TSHZ2: variants seen among roughly 807,000 people sequenced by gnomAD.
TSHZ2 encodes the protein teashirt homolog 2.
A neutral mutation model predicts 74.4 loss-of-function variants in TSHZ2; 21 were observed. The ratio of observed to expected loss-of-function variants is 0.28; its 90% CI spans 0.20 to 0.41. TSHZ2 has a LOEUF of 0.41. Ranked by LOEUF, TSHZ2 falls within the 10% of genes least tolerant of loss-of-function variation. The pLI, the probability that TSHZ2 is intolerant of heterozygous loss-of-function variation, is 1.00. For missense variants in TSHZ2, 1,244 were observed against 1,293.5 expected, an observed-to-expected ratio of 0.96 and a Z score of 0.59; for synonymous variants, 540 against 515.3, an observed-to-expected ratio of 1.05 and a Z score of -0.65.
In TSHZ2 at chr20:53,183,422, G is replaced by A. The variant is rs538530044; in HGVS notation, c.41-70077G>A. On this transcript the variant is annotated intron_variant, in intron 1 of 2. Coordinates refer to ENST00000371497, the MANE Select transcript of TSHZ2 (RefSeq NM_173485.6). ...AGCCTGGCCCATTCCCTTTGCCTGCGGTATTTACAGTAACCCACATGCAGA... is the reference window on the plus strand; with the variant it reads ...AGCCTGGCCCATTCCCTTTGCCTGCAGTATTTACAGTAACCCACATGCAGA... Among the ~76,000 whole-genome samples the A allele has an allele frequency of 5.9e-5, 9 of 152,256 alleles. No homozygotes were observed. In the South Asian group the frequency reaches 8.3e-4, roughly 14 times the overall value.
chr20:52,973,398 C>A, intron 1 of TSHZ2, 65 bp downstream of exon 1: 1 of 1,541,336 alleles, frequency 6.5e-7, no homozygotes, highest in Non-Finnish European at 8.8e-7. Flanking sequence ...CCCTCCTTGC[C>A]CCTGGGTGCC....
chr20:53,445,465 G>A (rs918546882), intron 2 of TSHZ2, among the ~76,000 whole-genome samples: 21 of 152,168 alleles, frequency 1.4e-4, no homozygotes, highest in Admixed American at 6.5e-4. Context: ...TCATGAAACC[G>A]GAATGCCATA....
chr20:53,307,934 G>A (rs1464695974), intron 2 of TSHZ2, among the ~76,000 whole-genome samples: 3 of 152,134 alleles, frequency 2.0e-5, no homozygotes, highest in Admixed American at 2.0e-4. Context: ...AGCCAGAGAG[G>A]ATGCATTTTT....
chr20:53,377,025 G>A (rs956170125), intron 2 of TSHZ2, among the ~76,000 whole-genome samples: 6 of 152,218 alleles, frequency 3.9e-5, no homozygotes, highest in African/African-American at 1.4e-4. Flanking sequence ...CTGTGGGTCA[G>A]TGTGCCTCAC....
intron 1 of TSHZ2, among the ~76,000 whole-genome samples, chr20:53,186,460 A>AT (rs1988601385): frequency 6.6e-6 from 1 of 152,216 alleles, no homozygotes; most frequent in Non-Finnish European, 1.5e-5. Context: ...TGTGTCTTTG[A>AT]TAAAATACTG....
intron 1 of TSHZ2, among the ~76,000 whole-genome samples, chr20:53,025,088 T>C (rs1983389198): frequency 6.6e-6 from 1 of 151,976 alleles, no homozygotes; most frequent in Non-Finnish European, 1.5e-5. Context: ...GTGTACAAAA[T>C]GGAAATTTGA....
chr20:53,328,005 C>CCA (rs1979566725), intron 2 of TSHZ2, among the ~76,000 whole-genome samples: 1 of 152,208 alleles, frequency 6.6e-6, no homozygotes, highest in Admixed American at 6.5e-5. Flanking sequence ...AAGAGGCCAA[C>CCA]CAGGGCCTGA....
At chr20:52,979,331 C>T (rs867563418) in intron 1 of TSHZ2, among the ~76,000 whole-genome samples, 1 of 152,132 alleles carries the variant, frequency 6.6e-6, no homozygotes. Context: ...CAGAGCCCAA[C>T]GGTTCACTGC....
chr20:53,403,805 G>T (rs886851319), intron 2 of TSHZ2, among the ~76,000 whole-genome samples: 2 of 152,178 alleles, frequency 1.3e-5, no homozygotes, highest in Non-Finnish European at 2.9e-5. Context: ...GAAGGTCTGC[G>T]GCTCGTAGGC....
chr20:53,425,979 A>C (rs367707864), intron 2 of TSHZ2, among the ~76,000 whole-genome samples: 1 of 152,194 alleles, frequency 6.6e-6, no homozygotes, highest in African/African-American at 2.4e-5. Context: ...CCTTAAGATG[A>C]AAGAAATTAC....
chr20:53,176,948 G>A (rs926586574), intron 1 of TSHZ2, among the ~76,000 whole-genome samples: 2 of 152,148 alleles, frequency 1.3e-5, no homozygotes, highest in African/African-American at 4.8e-5. Context: ...GCCTCCCAAA[G>A]TGCTGGGATT....
rs148635961 is a variant in TSHZ2, at chr20:53,381,003, G to A, written c.*9-106141G>A. Among the ~76,000 whole-genome samples, 10 of 152,250 alleles carry A rather than the reference G, an allele frequency of 6.6e-5. No homozygotes were observed. In the East Asian group the frequency reaches 7.7e-4, roughly 12 times the overall value. ...GAGTCCATCCTATGCAGAATCCTGC[G>A]TTTGTGATTCTAATTCAGGATCCAG... On this transcript the variant is annotated intron_variant, in intron 2 of 2. Transcript: ENST00000371497.
rs576829567 is a variant in TSHZ2, at chr20:53,192,574, A to C, written c.41-60925A>C. On this transcript the variant is annotated intron_variant, in intron 1 of 2. Coordinates refer to ENST00000371497, the MANE Select transcript of TSHZ2 (RefSeq NM_173485.6). ...AATTTAGTGTCTGGAAAAAAAAAAA[A>C]AAAACCCACAACAACTGGTCTATGA... 7.9e-5 allele frequency among the ~76,000 whole-genome samples: 12 copies of C among 151,224 alleles called. No individual in the cohort carries two copies. In the South Asian group the frequency reaches 1.3e-3, roughly 16 times the overall value.
At chr20:53,064,562 G>T (rs1984917313) in intron 1 of TSHZ2, among the ~76,000 whole-genome samples, 3 of 152,000 alleles carry the variant, frequency 2.0e-5, no homozygotes, top group African/African-American at 7.3e-5. Flanking sequence ...GAGTTTAAGA[G>T]CAGGAGTTCA....
chr20:53,316,217 A>G (rs1463060761), intron 2 of TSHZ2, among the ~76,000 whole-genome samples: 1 of 152,218 alleles, frequency 6.6e-6, no homozygotes, highest in East Asian at 1.9e-4. Flanking sequence ...AAGAGGCACA[A>G]ACGGAAATCT....
At chr20:53,442,619 T>C (rs1984382040) in intron 2 of TSHZ2, among the ~76,000 whole-genome samples, 1 of 152,178 alleles carries the variant, frequency 6.6e-6, no homozygotes, top group South Asian at 2.1e-4. Context: ...GAGAGATCGC[T>C]CATCGCTCTG....
intron 1 of TSHZ2, among the ~76,000 whole-genome samples, chr20:53,068,189 G>C (rs1985054166): frequency 6.6e-6 from 1 of 152,138 alleles, no homozygotes; most frequent in South Asian, 2.1e-4. Flanking sequence ...ATATTCACGG[G>C]TACCAGGGGT....
intron 2 of TSHZ2, among the ~76,000 whole-genome samples, chr20:53,442,012 G>A (rs1984352728): frequency 6.6e-6 from 1 of 152,238 alleles, no homozygotes; most frequent in South Asian, 2.1e-4. Flanking sequence ...CAAAGCTCCT[G>A]AGGCAGGCAT....
chr20:53,090,495 A>G (rs953904399), intron 1 of TSHZ2, among the ~76,000 whole-genome samples: 3 of 152,232 alleles, frequency 2.0e-5, no homozygotes, highest in African/African-American at 7.2e-5. Flanking sequence ...GCCATGAGAC[A>G]GAGTGAGGAG....
Sources: gnomAD v4.1 joint callset for allele counts (sites outside exome capture counted in the v4.1 genomes callset) on GRCh38, gnomAD v4.1.1 for gene constraint, MANE v1.5 for transcripts, NCBI Gene and HGNC (gene_info 2026-07-23, HGNC 2026-07-21) for gene names.